Variants in MLIP observed in about 807,000 individuals in gnomAD.
The protein encoded by MLIP is muscular LMNA-interacting protein.
A neutral mutation model predicts 84.8 loss-of-function variants in MLIP; 79 were observed. That is an observed-to-expected ratio of 0.93 (90% CI 0.78 to 1.12). The LOEUF (loss-of-function observed/expected upper bound fraction) is 1.12. Ranked by LOEUF, MLIP falls within the 50% of genes most tolerant of loss-of-function variation. MLIP has a pLI of 0.00. For synonymous variants in MLIP, 504 were observed against 463.0 expected, an observed-to-expected ratio of 1.09 and a Z score of -1.14; for missense variants, 1,257 against 1,160.6, an observed-to-expected ratio of 1.08 and a Z score of -1.21.
chr6:54,119,332 T>C (rs1044736919), intron 1 of MLIP, among the ~76,000 whole-genome samples: 2 of 152,228 alleles, frequency 1.3e-5, no homozygotes, highest in Non-Finnish European at 2.9e-5. Context: ...ATGTAGTACA[T>C]ATACACAGTG....
chr6:54,127,461 T>C (rs600522), intron 3 of MLIP, among the ~76,000 whole-genome samples: 58,362 of 152,000 alleles, frequency 0.38, 11,471 homozygotes, highest in Admixed American at 0.47. Flanking sequence ...TGCTCAGATA[T>C]TGACACCTTC....
At position 54,137,636 on chromosome 6, in the gene MLIP, G is replaced by A; in HGVS notation, c.1567G>A (p.Val523Ile). The A allele has an allele frequency of 6.5e-7, 1 of 1,536,066 alleles. No individual in the cohort carries two copies. The change falls in exon 4 of 14, where the codon GTA (valine) becomes ATA (isoleucine). Residue 523 changes from valine to isoleucine, a missense_variant. Coordinates refer to ENST00000502396, the MANE Select transcript of MLIP (RefSeq NM_001281747.2). ...TAGTAGCAGCCTTGCTTCCATGAAT[G>A]TAGAGAGAACACCATCACCTACTTT... is the stretch of plus-strand genomic sequence containing the variant. The part of the protein sequence containing the change: ...QASSSLASMN[V>I]ERTPSPTLKS...
At chr6:54,073,788 A>C (rs1271131611) in intron 1 of MLIP, among the ~76,000 whole-genome samples, 1 of 152,212 alleles carries the variant, frequency 6.6e-6, no homozygotes, top group African/African-American at 2.4e-5. Context: ...TCTTAACATA[A>C]CTGAAATCTC....
chr6:54,140,327 G>A (rs946583562), intron 4 of MLIP, among the ~76,000 whole-genome samples: 1 of 152,070 alleles, frequency 6.6e-6, no homozygotes, highest in Non-Finnish European at 1.5e-5. Flanking sequence ...TACATTAAAG[G>A]CATATTTATT....
At chr6:54,185,977 A>T (rs1166780835) in intron 9 of MLIP, among the ~76,000 whole-genome samples, 1 of 152,198 alleles carries the variant, frequency 6.6e-6, no homozygotes. Context: ...CACTTAGCCA[A>T]GACACCCTAC....
chr6:54,260,471 A>G (rs1430332088), intron 13 of MLIP, among the ~76,000 whole-genome samples: 1 of 152,010 alleles, frequency 6.6e-6, no homozygotes, highest in East Asian at 1.9e-4. Context: ...ATGTTTTAAA[A>G]TCTCTTCAGA....
intron 1 of MLIP, among the ~76,000 whole-genome samples, chr6:54,061,320 T>C (rs1765953255): frequency 6.6e-6 from 1 of 152,114 alleles, no homozygotes; most frequent in South Asian, 2.1e-4. Context: ...TAGACAAAAC[T>C]GTATCAAGAG....
intron 1 of MLIP, among the ~76,000 whole-genome samples, chr6:54,075,818 T>C (rs1249407613): frequency 1.3e-5 from 2 of 152,176 alleles, no homozygotes; most frequent in African/African-American, 4.8e-5. Flanking sequence ...GCACCAAAGT[T>C]GCTGCCTCCA....
At chr6:54,214,594 A>T (rs1302321017) in intron 11 of MLIP, among the ~76,000 whole-genome samples, 2 of 152,170 alleles carry the variant, frequency 1.3e-5, no homozygotes, top group Non-Finnish European at 2.9e-5. Flanking sequence ...CAGAGGTTTG[A>T]TGTCCTAGCT....
chr6:54,074,340 G>T (rs1766662411), intron 1 of MLIP, among the ~76,000 whole-genome samples: 1 of 152,110 alleles, frequency 6.6e-6, no homozygotes, highest in Admixed American at 6.6e-5. Context: ...CTCCAGACTT[G>T]GTGTGGGAGG....
At chr6:54,193,597 C>G (rs1414173958) in intron 10 of MLIP, among the ~76,000 whole-genome samples, 4 of 152,184 alleles carry the variant, frequency 2.6e-5, no homozygotes, top group African/African-American at 9.6e-5. Context: ...AGTTTGGAAA[C>G]AGGGCCTCAC....
chr6:54,204,633 T>G (rs1778916080), intron 11 of MLIP, among the ~76,000 whole-genome samples: 1 of 152,212 alleles, frequency 6.6e-6, no homozygotes, highest in Admixed American at 6.5e-5. Flanking sequence ...TACCTGTAAT[T>G]TACGACATGT....
chr6:54,084,183 C>T (rs1429442121), intron 1 of MLIP, among the ~76,000 whole-genome samples: 2 of 152,056 alleles, frequency 1.3e-5, no homozygotes, highest in African/African-American at 4.8e-5. Flanking sequence ...ATCACCCCTC[C>T]CTTCTCTCTT....
At chr6:54,037,111 T>A (rs186175570) in intron 1 of MLIP, among the ~76,000 whole-genome samples, 3 of 152,000 alleles carry the variant, frequency 2.0e-5, no homozygotes, top group Admixed American at 2.0e-4. Flanking sequence ...TCAGAAGGGG[T>A]CTCTAACCAT....
chr6:54,053,168 G>A (rs183282933), intron 1 of MLIP, among the ~76,000 whole-genome samples: 40 of 152,226 alleles, frequency 2.6e-4, no homozygotes, highest in African/African-American at 7.9e-4. Flanking sequence ...TTGATCCTAG[G>A]TATTCCTGGC....
intron 5 of MLIP, among the ~76,000 whole-genome samples, chr6:54,151,194 C>T (rs2150528766): frequency 6.6e-6 from 1 of 151,938 alleles, no homozygotes; most frequent in South Asian, 2.1e-4. Context: ...TAAATTATTC[C>T]ACATACTTTC....
intron 1 of MLIP, 78 bp from the exon 2 acceptor site, chr6:54,121,369 A>G: frequency 6.9e-7 from 1 of 1,440,494 alleles, no homozygotes; most frequent in East Asian, 2.3e-5. Context: ...AATGAGATAA[A>G]TATCATGTCA....
chr6:54,264,231 C>G (rs1350731596), intron 13 of MLIP, among the ~76,000 whole-genome samples: 1 of 151,964 alleles, frequency 6.6e-6, no homozygotes, highest in Non-Finnish European at 1.5e-5. Flanking sequence ...TCAGAGGGAA[C>G]TTAGAAGGCA....
At chr6:54,149,207 G>T (rs910086620) in intron 5 of MLIP, 80 bp downstream of exon 5, 1 of 1,305,030 alleles carries the variant, frequency 7.7e-7, no homozygotes, top group Non-Finnish European at 1.1e-6. Flanking sequence ...CTGTTGGGAA[G>T]ATTTCTGTTT....
Sources: allele counts gnomAD v4.1 joint callset (sites outside exome capture counted in the v4.1 genomes callset), GRCh38; gene constraint gnomAD v4.1.1; transcripts MANE v1.5; gene names NCBI Gene and HGNC (gene_info 2026-07-23, HGNC 2026-07-21).